The following DPP6 variants were observed in gnomAD, a reference collection of about 807,000 sequenced individuals.
DPP6 encodes the protein A-type potassium channel modulatory protein DPP6.
DPP6 carries 69 observed loss-of-function variants against 122.6 expected under a neutral mutation model. The observed-to-expected ratio is 0.56, with a 90% confidence interval of 0.46 to 0.69. The LOEUF (loss-of-function observed/expected upper bound fraction) is 0.69, where lower values mean the gene tolerates loss of function less well. DPP6 is among the 30% of genes least tolerant of loss of function. The probability of loss-of-function intolerance (pLI) is 0.00; values close to 1 mark genes in which losing one functional copy is unlikely to be tolerated. For missense variants in DPP6, 928 were observed against 1,116.9 expected, an observed-to-expected ratio of 0.83 and a Z score of 2.41; for synonymous variants, 418 against 433.1, an observed-to-expected ratio of 0.97 and a Z score of 0.43.
chr7:154,870,738 G>A (rs190165073), intron 18 of DPP6, among the ~76,000 whole-genome samples: 2,064 of 146,452 alleles, frequency 0.014, 56 homozygotes, highest in African/African-American at 0.047. Flanking sequence ...CGAGGCATGC[G>A]GATCACTTGA....
intron 5 of DPP6, among the ~76,000 whole-genome samples, chr7:154,630,885 G>C (rs1231349683): frequency 1.3e-5 from 2 of 152,012 alleles, no homozygotes; most frequent in Non-Finnish European, 2.9e-5. Flanking sequence ...AAACCAGCAT[G>C]GCACATGTAT....
At chr7:154,086,997 G>A (rs935823140) in intron 1 of DPP6, among the ~76,000 whole-genome samples, 3 of 152,168 alleles carry the variant, frequency 2.0e-5, no homozygotes, top group African/African-American at 7.2e-5. Flanking sequence ...AAATGATGTG[G>A]TTCAGGGAGA....
At chr7:154,336,501 C>G (rs555807256) in intron 1 of DPP6, among the ~76,000 whole-genome samples, 2 of 152,166 alleles carry the variant, frequency 1.3e-5, no homozygotes, top group Non-Finnish European at 2.9e-5. Context: ...CACCAGGTCC[C>G]GCAACACTGG....
chr7:154,131,442 G>A (rs1025774161), intron 1 of DPP6, among the ~76,000 whole-genome samples: 7 of 152,260 alleles, frequency 4.6e-5, no homozygotes, highest in African/African-American at 1.2e-4. Flanking sequence ...CCAAGAATTA[G>A]AGTTTCATGT....
At chr7:154,637,607 T>A (rs1351414645) in intron 5 of DPP6, among the ~76,000 whole-genome samples, 1 of 152,212 alleles carries the variant, frequency 6.6e-6, no homozygotes, top group Non-Finnish European at 1.5e-5. Context: ...ACATCAAGCC[T>A]CTGGCTGCCC....
At chr7:154,348,272 G>A (rs1810563710) in intron 1 of DPP6, among the ~76,000 whole-genome samples, 1 of 152,176 alleles carries the variant, frequency 6.6e-6, no homozygotes. Context: ...GAAATAGAGA[G>A]GTTTTCGTTA....
At chr7:154,370,458 A>C (rs4725537) in intron 1 of DPP6, among the ~76,000 whole-genome samples, 35,948 of 151,982 alleles carry the variant, frequency 0.24, 8,488 homozygotes, top group African/African-American at 0.61. Flanking sequence ...TAGATGATTG[A>C]TTTCTCTGCC....
At chr7:154,160,438 C>A (rs1246492256) in intron 1 of DPP6, among the ~76,000 whole-genome samples, 1 of 152,172 alleles carries the variant, frequency 6.6e-6, no homozygotes, top group African/African-American at 2.4e-5. Flanking sequence ...TTATTTTCCC[C>A]TAACAAACTA....
chr7:154,636,938 C>T lies in DPP6; in HGVS notation c.628-883C>T, dbSNP rs527810189. ...CATTTAGCCACATAGGGCACCAGCT[C>T]TCAGAGGTTTCACAAGTAAAGGAAA... On this transcript the variant is annotated intron_variant, in intron 5 of 25. Coordinates refer to ENST00000377770, the MANE Select transcript of DPP6 (RefSeq NM_130797.4). 1.4e-4 allele frequency among the ~76,000 whole-genome samples: 21 copies of T among 152,294 alleles called. 1 individual carries two copies. In the South Asian group the frequency reaches 2.7e-3, roughly 20 times the overall value.
rs984686196 is a variant in DPP6 at position 154,277,663 on chromosome 7, G to A, written c.244-168551G>A. Among the ~76,000 whole-genome samples, 5 of 152,210 alleles carry A rather than the reference G, an allele frequency of 3.3e-5. No homozygotes were observed. The South Asian group carries it at 8.3e-4, about 25-fold the overall frequency. ...GCCTGCAATCCCAGCTACTTGGGAG[G>A]CTGAGGCAGGAGAATTGCTTGAGCC... is the stretch of plus-strand genomic sequence containing the variant. On this transcript the variant is annotated intron_variant, in intron 1 of 25. Coordinates refer to ENST00000377770, the MANE Select transcript of DPP6 (RefSeq NM_130797.4).
intron 17 of DPP6, among the ~76,000 whole-genome samples, chr7:154,862,195 C>T (rs1803466498): frequency 6.6e-6 from 1 of 152,196 alleles, no homozygotes; most frequent in South Asian, 2.1e-4. Context: ...GAGGGGGCTC[C>T]AAGGCCTTCC....
At chr7:153,881,359 T>C in the DPP6 span, among the ~76,000 whole-genome samples, 1 of 152,212 alleles carries the variant, frequency 6.6e-6, no homozygotes, top group Non-Finnish European at 1.5e-5. Flanking sequence ...TGAGATTAAA[T>C]TCCGTTTCCA....
intron 1 of DPP6, among the ~76,000 whole-genome samples, chr7:153,981,292 A>G (rs1796570968): frequency 6.6e-6 from 1 of 152,180 alleles, no homozygotes; most frequent in Admixed American, 6.5e-5. Flanking sequence ...TCCCTTTACC[A>G]TTATGTAATG....
rs1242326163 is a variant in DPP6 at position 154,100,578 on chromosome 7, C to T, written c.243+47515C>T. ...CTCTCCTCCCTCCCCTCCTTTACTCCGTCCCTTTCCATGGAGCCACACTCG... is the reference window on the plus strand; with the variant it reads ...CTCTCCTCCCTCCCCTCCTTTACTCTGTCCCTTTCCATGGAGCCACACTCG... On this transcript the variant is annotated intron_variant, in intron 1 of 25. Coordinates refer to ENST00000377770, the MANE Select transcript of DPP6 (RefSeq NM_130797.4). 1.6e-4 allele frequency among the ~76,000 whole-genome samples: 13 copies of T among 81,986 alleles called. 4 individuals are homozygous for T. Among genetic ancestry groups the T allele is most frequent in the Non-Finnish European group, 2.7e-4 (12 of 44,732 alleles). The allele number at this position is 81,986 out of a possible 152,430, so 53.8% of individuals were successfully genotyped here.
the DPP6 span, among the ~76,000 whole-genome samples, chr7:153,846,950 G>A: frequency 6.6e-6 from 1 of 152,052 alleles, no homozygotes; most frequent in Non-Finnish European, 1.5e-5. Flanking sequence ...GCCTCCCAAA[G>A]TGCTGGAGTT....
chr7:154,887,112 A>C (rs966275368), intron 22 of DPP6, among the ~76,000 whole-genome samples: 35 of 152,206 alleles, frequency 2.3e-4, no homozygotes, highest in African/African-American at 8.0e-4. Flanking sequence ...CACTGTGCCC[A>C]AAACCAGCCA....
chr7:154,356,411 G>C (rs978400097), intron 1 of DPP6, among the ~76,000 whole-genome samples: 2 of 152,098 alleles, frequency 1.3e-5, no homozygotes, highest in Admixed American at 1.3e-4. Flanking sequence ...TACCTTAAAA[G>C]TTCTAACTTG....
intron 1 of DPP6, among the ~76,000 whole-genome samples, chr7:153,983,910 G>A (rs1311345471): frequency 2.0e-5 from 3 of 151,810 alleles, no homozygotes; most frequent in Non-Finnish European, 4.4e-5. Context: ...GACGGACTGT[G>A]TACCTCAGTT....
At chr7:154,451,145 G>A (rs939308986) in intron 2 of DPP6, among the ~76,000 whole-genome samples, 2 of 152,118 alleles carry the variant, frequency 1.3e-5, no homozygotes, top group East Asian at 1.9e-4. Flanking sequence ...GGCAGATCAC[G>A]AGGTCAGGAG....
Sources: allele counts gnomAD v4.1 joint callset (sites outside exome capture counted in the v4.1 genomes callset), GRCh38; gene constraint gnomAD v4.1.1; transcripts MANE v1.5; gene names NCBI Gene and HGNC (gene_info 2026-07-23, HGNC 2026-07-21).